LINGO2: variants seen among roughly 807,000 people sequenced by gnomAD.
LINGO2 encodes the protein leucine rich repeat and Ig domain containing 2, also known as leucine-rich repeat and immunoglobulin-like domain-containing nogo receptor-interacting protein 2.
LINGO2 carries 14 observed loss-of-function variants against 30.6 expected under a neutral mutation model. That is an observed-to-expected ratio of 0.46 (90% CI 0.30 to 0.72). The LOEUF (loss-of-function observed/expected upper bound fraction) is 0.72, where lower values mean the gene tolerates loss of function less well. Ranked by LOEUF, LINGO2 falls within the 30% of genes least tolerant of loss-of-function variation. LINGO2 has a pLI of 0.07. For synonymous variants in LINGO2, 317 were observed against 288.5 expected, an observed-to-expected ratio of 1.10 and a Z score of -1.00; for missense variants, 729 against 751.7, an observed-to-expected ratio of 0.97 and a Z score of 0.35.
intron 4 of LINGO2, among the ~76,000 whole-genome samples, chr9:28,142,734 A>G (rs1827708489): frequency 6.6e-6 from 1 of 152,170 alleles, no homozygotes; most frequent in Non-Finnish European, 1.5e-5. Flanking sequence ...ACTCTTGATG[A>G]TTCCATCGGG....
intron 5 of LINGO2, among the ~76,000 whole-genome samples, chr9:27,976,920 T>C (rs1385900866): frequency 6.6e-6 from 1 of 152,030 alleles, no homozygotes; most frequent in East Asian, 1.9e-4. Flanking sequence ...GAACTTTCTG[T>C]GTATTTTTTT....
intron 4 of LINGO2, among the ~76,000 whole-genome samples, chr9:28,271,226 G>T (rs1822928940): frequency 6.6e-6 from 1 of 150,768 alleles, no homozygotes; most frequent in Admixed American, 6.6e-5. Context: ...TTGTTTTATT[G>T]TTTCTAATTT....
At chr9:28,622,795 C>G (rs951471140) in intron 1 of LINGO2, among the ~76,000 whole-genome samples, 3 of 151,462 alleles carry the variant, frequency 2.0e-5, no homozygotes, top group Non-Finnish European at 2.9e-5. Flanking sequence ...TACTAATTTA[C>G]ATTTCCACCA....
intron 2 of LINGO2, among the ~76,000 whole-genome samples, chr9:28,434,683 C>T (rs1455568229): frequency 6.6e-6 from 1 of 152,070 alleles, no homozygotes; most frequent in East Asian, 1.9e-4. Flanking sequence ...TTTTTTATCA[C>T]ATTTACTTTA....
chr9:29,025,051 C>T, the LINGO2 span, among the ~76,000 whole-genome samples: 2 of 151,956 alleles, frequency 1.3e-5, no homozygotes, highest in African/African-American at 4.8e-5. Flanking sequence ...CCCTGATGGC[C>T]CATTCACAGT....
the LINGO2 span, among the ~76,000 whole-genome samples, chr9:28,696,781 T>A: frequency 6.6e-6 from 1 of 151,906 alleles, no homozygotes; most frequent in African/African-American, 2.4e-5. Context: ...AAATCATTAA[T>A]GTCAAATAAG....
At chr9:28,700,397 G>A in the LINGO2 span, among the ~76,000 whole-genome samples, 1 of 152,054 alleles carries the variant, frequency 6.6e-6, no homozygotes, top group Admixed American at 6.6e-5. Flanking sequence ...CACACATAAT[G>A]TATTATTTCA....
At chr9:28,727,642 G>T in the LINGO2 span, among the ~76,000 whole-genome samples, 3 of 152,098 alleles carry the variant, frequency 2.0e-5, no homozygotes, top group Non-Finnish European at 2.9e-5. Flanking sequence ...TCTTTAGATA[G>T]ATAAAACAGT....
intron 4 of LINGO2, among the ~76,000 whole-genome samples, chr9:28,088,836 C>T (rs1052903572): frequency 7.2e-5 from 11 of 152,056 alleles, no homozygotes; most frequent in African/African-American, 2.4e-4. Flanking sequence ...TGTGCAGAGA[C>T]ACACATAGAC....
the LINGO2 span, among the ~76,000 whole-genome samples, chr9:28,873,434 T>C: frequency 6.0e-5 from 9 of 150,366 alleles, no homozygotes; most frequent in African/African-American, 2.0e-4. Context: ...TCATTACAAC[T>C]ACCAAGCCAC....
the LINGO2 span, among the ~76,000 whole-genome samples, chr9:28,898,313 C>T: frequency 9.2e-5 from 14 of 152,166 alleles, no homozygotes; most frequent in Admixed American, 3.9e-4. Context: ...GGGAATATAA[C>T]GCAGTTTCTA....
the LINGO2 span, among the ~76,000 whole-genome samples, chr9:28,981,463 C>A: frequency 6.6e-6 from 1 of 152,122 alleles, no homozygotes; most frequent in Non-Finnish European, 1.5e-5. Flanking sequence ...TTATTTAAAG[C>A]CATATCATTC....
At chr9:28,848,083 C>G in the LINGO2 span, among the ~76,000 whole-genome samples, 1 of 60,020 alleles carries the variant, frequency 1.7e-5, no homozygotes, top group Non-Finnish European at 3.0e-5. Flanking sequence ...TATATATACA[C>G]ACTATATATA....
chr9:27,983,962 G>A (rs999449005), intron 5 of LINGO2, among the ~76,000 whole-genome samples: 1 of 151,828 alleles, frequency 6.6e-6, no homozygotes, highest in Non-Finnish European at 1.5e-5. Context: ...TTCCAGGGCT[G>A]TGCAGTGGAA....
chr9:29,161,962 C>T, the LINGO2 span, among the ~76,000 whole-genome samples: 1 of 151,486 alleles, frequency 6.6e-6, no homozygotes, highest in African/African-American at 2.4e-5. Flanking sequence ...CTCTGTTGCC[C>T]AGGTTGGAGT....
At chr9:28,795,485 A>C in the LINGO2 span, among the ~76,000 whole-genome samples, 11 of 152,226 alleles carry the variant, frequency 7.2e-5, no homozygotes, top group African/African-American at 2.6e-4. Flanking sequence ...ACAATTAGCA[A>C]TTTTCAAAAA....
At chr9:28,880,899 A>C in the LINGO2 span, among the ~76,000 whole-genome samples, 1 of 152,316 alleles carries the variant, frequency 6.6e-6, no homozygotes, top group East Asian at 1.9e-4. Flanking sequence ...GCCTACGTGC[A>C]CATCCAGCCA....
At chr9:28,854,711 A>G in the LINGO2 span, among the ~76,000 whole-genome samples, 1 of 151,994 alleles carries the variant, frequency 6.6e-6, no homozygotes, top group Admixed American at 6.6e-5. Flanking sequence ...GTCAAAATTC[A>G]GGTGACAGTT....
intron 4 of LINGO2, among the ~76,000 whole-genome samples, chr9:28,244,748 C>A (rs1019925360): frequency 6.6e-6 from 1 of 151,514 alleles, no homozygotes; most frequent in African/African-American, 2.4e-5. Flanking sequence ...CAAAACTAAA[C>A]CAGGAAGAAG....
Sources: allele counts gnomAD v4.1 joint callset (sites outside exome capture counted in the v4.1 genomes callset), GRCh38; gene constraint gnomAD v4.1.1; transcripts MANE v1.5; gene names NCBI Gene and HGNC (gene_info 2026-07-23, HGNC 2026-07-21).